TRIM9: variants seen among roughly 807,000 people sequenced by gnomAD.
TRIM9 encodes the protein E3 ubiquitin-protein ligase TRIM9.
A neutral mutation model predicts 78.3 loss-of-function variants in TRIM9; 26 were observed. That is an observed-to-expected ratio of 0.33 (90% CI 0.24 to 0.46). The LOEUF (loss-of-function observed/expected upper bound fraction) is 0.46. TRIM9 is among the 20% of genes least tolerant of loss of function. The pLI is 1.00. For synonymous variants in TRIM9, 398 were observed against 416.5 expected, an observed-to-expected ratio of 0.96 and a Z score of 0.54; for missense variants, 787 against 1,036.4, an observed-to-expected ratio of 0.76 and a Z score of 3.30.
At chr14:51,063,196 A>C (rs1274791136) in intron 1 of TRIM9, among the ~76,000 whole-genome samples, 1 of 152,182 alleles carries the variant, frequency 6.6e-6, no homozygotes, top group Non-Finnish European at 1.5e-5. Flanking sequence ...ATAGAACAGA[A>C]AAGTATATTT....
chr14:50,989,835 T>C (rs1417266005), intron 7 of TRIM9, among the ~76,000 whole-genome samples: 1 of 152,184 alleles, frequency 6.6e-6, no homozygotes, highest in Non-Finnish European at 1.5e-5. Flanking sequence ...CCTGGACTTC[T>C]TTCCCTTCCT....
At chr14:51,039,171 C>T (rs952441596) in intron 1 of TRIM9, among the ~76,000 whole-genome samples, 1 of 152,172 alleles carries the variant, frequency 6.6e-6, no homozygotes, top group African/African-American at 2.4e-5. Flanking sequence ...CAGTAGTGGA[C>T]TGACAATTTG....
intron 3 of TRIM9, among the ~76,000 whole-genome samples, chr14:51,012,877 C>T (rs1039415968): frequency 1.3e-5 from 2 of 152,082 alleles, no homozygotes; most frequent in African/African-American, 2.4e-5. Context: ...CAGGTCTTTG[C>T]CCATTTTTAA....
intron 1 of TRIM9, among the ~76,000 whole-genome samples, chr14:51,030,082 A>G (rs1258150195): frequency 6.6e-6 from 1 of 152,228 alleles, no homozygotes; most frequent in East Asian, 1.9e-4. Flanking sequence ...TTTTCTGGTG[A>G]ATTTGAAAAA....
chr14:51,047,383 G>A (rs140767326), intron 1 of TRIM9, among the ~76,000 whole-genome samples: 2 of 152,252 alleles, frequency 1.3e-5, no homozygotes, highest in Non-Finnish European at 2.9e-5. Flanking sequence ...TCCCACTGGA[G>A]CTCCTTGAGG....
rs2056260370 is a variant in TRIM9, at chr14:51,009,322, C to T, written c.1153-89G>A. On this transcript the variant is annotated intron_variant, in intron 4 of 12. Transcript: ENST00000684578. ...CCCTTGGCTCTCCAGGAGCATTACT[C>T]CCAAACTGCCTTGAGGACTCATACT... The T allele has an allele frequency of 3.9e-6, 6 of 1,522,010 alleles. No homozygotes were observed. The South Asian group carries it at 4.9e-5, about 12-fold the overall frequency. The allele number at this position is 1,522,010 out of a possible 1,614,324, so 94.3% of individuals were successfully genotyped here.
chr14:51,000,573 A>T (rs1596137543), intron 6 of TRIM9, 110 bp downstream of exon 6: 2 of 1,450,090 alleles, frequency 1.4e-6, no homozygotes, highest in Non-Finnish European at 1.9e-6. Context: ...CCCTGCCAGG[A>T]TGGCCTGTCC....
intron 1 of TRIM9, among the ~76,000 whole-genome samples, chr14:51,087,205 C>A (rs952087317): frequency 2.6e-5 from 4 of 151,656 alleles, no homozygotes; most frequent in African/African-American, 9.7e-5. Flanking sequence ...GGAGGGCAAG[C>A]GTAGTGGACA....
chr14:51,020,347 C>G (rs1566585491), intron 3 of TRIM9, among the ~76,000 whole-genome samples: 1 of 152,264 alleles, frequency 6.6e-6, no homozygotes, highest in East Asian at 1.9e-4. Flanking sequence ...TTTTTGGAAG[C>G]AATGACAGAT....
chr14:51,000,531 A>G (rs2054842379), intron 6 of TRIM9, 152 bp downstream of exon 6: 7 of 1,008,442 alleles, frequency 6.9e-6, no homozygotes, highest in South Asian at 1.7e-5. Context: ...CGGTAGAGGG[A>G]GAAAGCAGGC....
chr14:51,081,399 A>C (rs1198312897), intron 1 of TRIM9, among the ~76,000 whole-genome samples: 1 of 152,200 alleles, frequency 6.6e-6, no homozygotes, highest in Non-Finnish European at 1.5e-5. Context: ...TGCTGGTGGG[A>C]ATGTAAGATG....
intron 1 of TRIM9, among the ~76,000 whole-genome samples, chr14:51,044,894 T>C (rs2059834682): frequency 6.6e-6 from 1 of 152,154 alleles, no homozygotes; most frequent in Non-Finnish European, 1.5e-5. Flanking sequence ...TTTGTTTTGT[T>C]TTTTTCTTTT....
At chr14:51,080,277 T>C (rs2063176607) in intron 1 of TRIM9, among the ~76,000 whole-genome samples, 1 of 152,012 alleles carries the variant, frequency 6.6e-6, no homozygotes. Context: ...CATGTTATAG[T>C]ATAGACATAT....
At chr14:50,982,380 G>A in intron 10 of TRIM9, 1 of 500,196 alleles carries the variant, frequency 2.0e-6, no homozygotes, top group Non-Finnish European at 3.7e-6. Context: ...ATCGATTTTG[G>A]AAGGTGCAAG....
Position 51,009,185 on chromosome 14 carries a change from C to T in TRIM9, c.1201G>A (p.Gly401Ser), listed in dbSNP as rs1184928355. 6 of 1,613,868 alleles carry T rather than the reference C, an allele frequency of 3.7e-6. No individual in the cohort carries two copies. Among genetic ancestry groups the T allele is most frequent in the Admixed American group, 3.3e-5 (2 of 59,996 alleles). ...RRVHLTEDQW[G>S]KGTLTPRMTT... is the part of the protein sequence containing the mutation. ...ATCCTTGGAGTGAGTGTGCCTTTAC[C>T]CCACTGATCCTCAGTCAGGTGCACT... is the stretch of plus-strand genomic sequence containing the variant. The change falls in exon 5 of 13, where the codon GGT becomes AGT. Residue 401 changes from glycine (G) to serine (S), a missense_variant. Physicochemically the swap from Gly to Ser is moderately conservative, Grantham distance 56. This residue lies in a region of TRIM9 where 421 missense variants were observed against 514.3 expected (regional missense o/e 0.82). Transcript: ENST00000684578.
At chr14:51,092,309 A>G (rs898667075) in intron 1 of TRIM9, among the ~76,000 whole-genome samples, 4 of 152,258 alleles carry the variant, frequency 2.6e-5, no homozygotes, top group African/African-American at 9.6e-5. Flanking sequence ...TTAATAGGTT[A>G]TATGTGAGAA....
chr14:51,061,645 A>T (rs115278542), intron 1 of TRIM9, among the ~76,000 whole-genome samples: 7 of 152,304 alleles, frequency 4.6e-5, no homozygotes, highest in African/African-American at 1.7e-4. Context: ...TAATGATTGT[A>T]GCTTATACTT....
intron 2 of TRIM9, among the ~76,000 whole-genome samples, chr14:51,023,745 T>A (rs2057978006): frequency 6.6e-6 from 1 of 152,202 alleles, no homozygotes; most frequent in Non-Finnish European, 1.5e-5. Flanking sequence ...ATATATGCAA[T>A]TTTGCATATA....
rs182560293 is a variant in TRIM9 at position 50,977,929 on chromosome 14, C to G, written c.2326-576G>C. 2.4e-3 allele frequency among the ~76,000 whole-genome samples: 365 copies of G among 152,114 alleles called. 2 individuals carry two copies. Among genetic ancestry groups the G allele is most frequent in the African/African-American group, 8.3e-3 (345 of 41,502 alleles). ...GTTCTTATCCCTGTCTTCTCCAGCC[C>G]AAGAGTCTTTATCAATAGATAATCA... On this transcript the variant is annotated intron_variant, in intron 12 of 12. Coordinates refer to ENST00000684578, the MANE Select transcript of TRIM9 (RefSeq NM_001387360.1).
Sources: allele counts gnomAD v4.1 joint callset (sites outside exome capture counted in the v4.1 genomes callset), GRCh38; gene constraint gnomAD v4.1.1; regional missense constraint gnomAD v4.1.1; transcripts MANE v1.5; gene names NCBI Gene and HGNC (gene_info 2026-07-23, HGNC 2026-07-21).